COL15A1: variants seen among roughly 807,000 people sequenced by gnomAD.
COL15A1 encodes the protein collagen type XV alpha 1 chain.
In COL15A1, 111 loss-of-function variants were observed where a neutral mutation model predicts 165.9. That is an observed-to-expected ratio of 0.67 (90% CI 0.57 to 0.78). The LOEUF is 0.78. Among genes scored for constraint, COL15A1 ranks in the 30% least tolerant of loss-of-function variants. The probability of loss-of-function intolerance (pLI) is 0.00; values close to 1 mark genes in which losing one functional copy is unlikely to be tolerated. For missense variants in COL15A1, 1,745 were observed against 1,789.7 expected, an observed-to-expected ratio of 0.98 and a Z score of 0.45; for synonymous variants, 659 against 674.8, an observed-to-expected ratio of 0.98 and a Z score of 0.36.
At chr9:98,947,752 A>G (rs1188833060) in intron 2 of COL15A1, among the ~76,000 whole-genome samples, 1 of 152,182 alleles carries the variant, frequency 6.6e-6, no homozygotes, top group Non-Finnish European at 1.5e-5. Flanking sequence ...ACTATCCCTG[A>G]ATGCCATTGT....
At chr9:98,975,530 A>G (rs1183249482) in intron 2 of COL15A1, among the ~76,000 whole-genome samples, 2 of 151,930 alleles carry the variant, frequency 1.3e-5, no homozygotes, top group African/African-American at 4.8e-5. Context: ...GAAAACCTGA[A>G]CCCTGCTCTG....
chr9:98,984,999 C>A (rs1838284993), intron 2 of COL15A1, among the ~76,000 whole-genome samples: 1 of 152,148 alleles, frequency 6.6e-6, no homozygotes, highest in Non-Finnish European at 1.5e-5. Flanking sequence ...ACCATGTTGG[C>A]CATGTTATCC....
chr9:99,066,112 A>C (rs1037992467), intron 39 of COL15A1, among the ~76,000 whole-genome samples: 1 of 152,064 alleles, frequency 6.6e-6, no homozygotes, highest in African/African-American at 2.4e-5. Flanking sequence ...GTTACCCCCG[A>C]GATGAGATTG....
intron 4 of COL15A1, among the ~76,000 whole-genome samples, chr9:98,988,471 T>G (rs1241772678): frequency 1.3e-5 from 2 of 152,242 alleles, no homozygotes; most frequent in Non-Finnish European, 2.9e-5. Flanking sequence ...CAGGAAGTCA[T>G]GCTTCGGCTG....
rs762357211 is a variant in COL15A1, at chr9:99,035,333, T to C, written c.2221-17T>C. ...CAGGAACTGGATCTGAAATTCTCAT[T>C]CTTGCTCCTTCCCCAGGATACCGAA... On this transcript the variant is annotated splice_polypyrimidine_tract_variant and intron_variant, in intron 18 of 41. Coordinates refer to ENST00000375001, the MANE Select transcript of COL15A1 (RefSeq NM_001855.5). The C allele has an allele frequency of 5.3e-5, 86 of 1,614,052 alleles. No individual in the cohort carries two copies. Among genetic ancestry groups the C allele is most frequent in the Non-Finnish European group, 8.5e-7 (1 of 1,180,038 alleles).
At chr9:98,979,427 T>G (rs1838195838) in intron 2 of COL15A1, among the ~76,000 whole-genome samples, 1 of 152,246 alleles carries the variant, frequency 6.6e-6, no homozygotes, top group Non-Finnish European at 1.5e-5. Context: ...CTTCGTAATC[T>G]TAACTCATTC....
At chr9:98,987,211 A>G (rs749868561) in intron 3 of COL15A1, 83 bp from the exon 4 acceptor site, 14 of 1,362,062 alleles carry the variant, frequency 1.0e-5, no homozygotes, top group Non-Finnish European at 1.3e-5. Flanking sequence ...GTTCGTCTCC[A>G]TTGCCAAAAC....
chr9:99,070,144 C>A lies in COL15A1; in HGVS notation c.*258C>A, dbSNP rs1012899553. On this transcript the variant is annotated 3_prime_UTR_variant, in exon 42 of 42. Coordinates refer to ENST00000375001, the MANE Select transcript of COL15A1 (RefSeq NM_001855.5). Reference sequence around the variant, plus strand: ...CCCCAGCAGTGTGAACGCATCCCAACATAGGTTAAGAGCAAGTTGAAAACA... The same window carrying A: ...CCCCAGCAGTGTGAACGCATCCCAAAATAGGTTAAGAGCAAGTTGAAAACA... 2.3e-5 allele frequency: 9 copies of A among 388,938 alleles called. No homozygotes were observed. The highest frequency in any genetic ancestry group is 4.2e-5 in the Non-Finnish European group (9 of 215,544). The allele number at this position is 388,938 out of a possible 1,614,324, so 24.1% of individuals were successfully genotyped here.
chr9:98,956,226 A>T (rs568248262), intron 2 of COL15A1, among the ~76,000 whole-genome samples: 39 of 152,344 alleles, frequency 2.6e-4, no homozygotes, highest in Admixed American at 4.6e-4. Flanking sequence ...GAATCTCTTG[A>T]GCCCAAGAGG....
chr9:99,014,491 G>C (rs1336311725), intron 9 of COL15A1, among the ~76,000 whole-genome samples: 1 of 152,180 alleles, frequency 6.6e-6, no homozygotes, highest in Non-Finnish European at 1.5e-5. Context: ...AGGCTCCTAG[G>C]CCTCAGCAAA....
chr9:99,063,771 T>C (rs561676378), intron 39 of COL15A1, among the ~76,000 whole-genome samples: 3 of 152,254 alleles, frequency 2.0e-5, no homozygotes, highest in Admixed American at 6.5e-5. Context: ...CATAGACTAG[T>C]GGGCAATTGG....
intron 2 of COL15A1, among the ~76,000 whole-genome samples, chr9:98,977,867 C>T (rs971724116): frequency 6.6e-5 from 10 of 152,366 alleles, no homozygotes; most frequent in African/African-American, 9.6e-5. Flanking sequence ...AGGAAGTCAT[C>T]GCCCAAAGGC....
intron 2 of COL15A1, among the ~76,000 whole-genome samples, chr9:98,947,717 C>T (rs926368918): frequency 1.3e-5 from 2 of 152,152 alleles, no homozygotes; most frequent in African/African-American, 4.8e-5. Context: ...GCCTGCACCT[C>T]CAGGTCTCTG....
At chr9:98,970,710 G>T (rs1838035098) in intron 2 of COL15A1, among the ~76,000 whole-genome samples, 1 of 152,166 alleles carries the variant, frequency 6.6e-6, no homozygotes, top group African/African-American at 2.4e-5. Flanking sequence ...AGGTGAGTGT[G>T]TGTGGATGTG....
chr9:99,011,703 C>G (rs1017755541), intron 9 of COL15A1, among the ~76,000 whole-genome samples: 1 of 151,956 alleles, frequency 6.6e-6, no homozygotes, highest in African/African-American at 2.4e-5. Context: ...AATGAAATAT[C>G]TATTATTTAA....
At chr9:98,991,976 G>T (rs2118909827) in intron 5 of COL15A1, among the ~76,000 whole-genome samples, 1 of 152,372 alleles carries the variant, frequency 6.6e-6, no homozygotes, top group East Asian at 1.9e-4. Flanking sequence ...ACAGGGTGCT[G>T]ATTGGTGTGT....
intron 20 of COL15A1, 49 bp from the exon 21 acceptor site, chr9:99,036,264 T>C: frequency 6.2e-7 from 1 of 1,613,798 alleles, no homozygotes; most frequent in Non-Finnish European, 8.5e-7. Context: ...TCTGGGAGCA[T>C]TATCGCTGTA....
intron 2 of COL15A1, among the ~76,000 whole-genome samples, chr9:98,977,910 C>T (rs1838167132): frequency 1.3e-5 from 2 of 152,188 alleles, no homozygotes; most frequent in African/African-American, 4.8e-5. Context: ...GGAGGGGTCT[C>T]ATCCCAGCTG....
chr9:99,000,412 A>G (rs1838629454), intron 6 of COL15A1, among the ~76,000 whole-genome samples: 1 of 152,094 alleles, frequency 6.6e-6, no homozygotes, highest in Admixed American at 6.5e-5. Context: ...TAATGATACG[A>G]TATCTATACT....
Sources: gnomAD v4.1 joint callset for allele counts (sites outside exome capture counted in the v4.1 genomes callset) on GRCh38, gnomAD v4.1.1 for gene constraint, MANE v1.5 for transcripts, NCBI Gene and HGNC (gene_info 2026-07-23, HGNC 2026-07-21) for gene names.